Variants in RP1 observed in about 807,000 individuals in gnomAD.
RP1 encodes the protein RP1 axonemal microtubule associated.
Under a neutral mutation model 14.8 loss-of-function variants are expected in RP1, and 16 were observed. The ratio of observed to expected loss-of-function variants is 1.08; its 90% CI spans 0.73 to 1.65. The LOEUF (loss-of-function observed/expected upper bound fraction) is 1.65, where lower values mean the gene tolerates loss of function less well. RP1 is among the 40% of genes most tolerant of loss of function. The probability of loss-of-function intolerance (pLI) is 0.00; values close to 1 mark genes in which losing one functional copy is unlikely to be tolerated. For synonymous variants in RP1, 876 were observed against 883.6 expected (o/e 0.99, Z 0.15); for missense variants, 2,631 against 2,535.0 (o/e 1.04, Z -0.81).
At chr8:54,584,959 G>T (rs1288045632) in intron 1 of RP1, among the ~76,000 whole-genome samples, 2 of 152,118 alleles carry the variant, frequency 1.3e-5, no homozygotes, top group Non-Finnish European at 2.9e-5. Context: ...TATCCAATTT[G>T]CCAGTCTGTG....
intron 16 of RP1, among the ~76,000 whole-genome samples, chr8:54,725,927 G>A (rs2129352558): frequency 6.6e-6 from 1 of 152,266 alleles, no homozygotes; most frequent in East Asian, 1.9e-4. Context: ...TTATAGATAT[G>A]TGTATATTTT....
chr8:54,560,596 CTGCG>C (rs1804264274), intron 1 of RP1: 1 of 152,010 alleles, frequency 6.6e-6, no homozygotes, highest in Admixed American at 6.6e-5. Flanking sequence ...CCTAAGGTTT[CTGCG>C]AGGGAGGCAA....
chr8:54,605,868 C>A (rs1805426674), intron 1 of RP1, among the ~76,000 whole-genome samples: 1 of 151,868 alleles, frequency 6.6e-6, no homozygotes, highest in South Asian at 2.1e-4. Context: ...CAACCCCTGC[C>A]TTTTTTGGTT....
At chr8:54,714,985 T>G (rs1249759743) in intron 15 of RP1, among the ~76,000 whole-genome samples, 1 of 152,246 alleles carries the variant, frequency 6.6e-6, no homozygotes, top group African/African-American at 2.4e-5. Flanking sequence ...AATACTCCAG[T>G]GTGTAGAATG....
In RP1 at chr8:54,828,273, A is replaced by G. The variant is rs369072478; in HGVS notation, c.3616-9177A>G. Among the ~76,000 whole-genome samples, 9 of 152,324 alleles carry G rather than the reference A, an allele frequency of 5.9e-5. No individual in the cohort carries two copies. In the East Asian group the frequency reaches 1.5e-3, roughly 26 times the overall value. On this transcript the variant is annotated intron_variant, in intron 24 of 28. Coordinates refer to the RP1 transcript ENST00000637698. ...GTTTGGAAATGATTTGTTTGGCCCC[A>G]CCAAGCCTCCTGTTGAAATCTGACC... is the stretch of plus-strand genomic sequence containing the variant.
chr8:54,711,290 G>T (rs1808289287), intron 15 of RP1, among the ~76,000 whole-genome samples: 1 of 152,138 alleles, frequency 6.6e-6, no homozygotes, highest in Non-Finnish European at 1.5e-5. Context: ...AGGCTCAGAG[G>T]CTCAAACATT....
intron 24 of RP1, among the ~76,000 whole-genome samples, chr8:54,806,557 A>G (rs1166112856): frequency 2.0e-5 from 3 of 152,114 alleles, no homozygotes; most frequent in African/African-American, 7.2e-5. Context: ...TTCAACTCCC[A>G]CATTTGTTTC....
At chr8:54,844,482 G>T (rs1190335665) in intron 25 of RP1, among the ~76,000 whole-genome samples, 1 of 151,960 alleles carries the variant, frequency 6.6e-6, no homozygotes, top group Non-Finnish European at 1.5e-5. Flanking sequence ...TCCTCTGTGT[G>T]TGCGTGTGTA....
chr8:54,656,269 T>C, intron 6 of RP1: 4 of 1,505,118 alleles, frequency 2.7e-6, no homozygotes, highest in South Asian at 1.3e-5. Context: ...GCCTAAATGC[T>C]GAAGGACAGG....
At chr8:54,768,084 A>C (rs1320153552) in intron 22 of RP1, among the ~76,000 whole-genome samples, 2 of 152,144 alleles carry the variant, frequency 1.3e-5, no homozygotes, top group African/African-American at 4.8e-5. Context: ...TGAGTAACCC[A>C]CACACAACCC....
chr8:54,760,336 G>A (rs1049284576), intron 22 of RP1, among the ~76,000 whole-genome samples: 22 of 151,926 alleles, frequency 1.4e-4, no homozygotes, highest in Admixed American at 4.6e-4. Flanking sequence ...TCTTTCTTTC[G>A]CAGCCTACCT....
intron 28 of RP1, among the ~76,000 whole-genome samples, chr8:54,867,532 G>T (rs1408375033): frequency 8.5e-5 from 13 of 152,282 alleles, no homozygotes; most frequent in Admixed American, 7.8e-4. Context: ...TAAAATGGCA[G>T]TAATGACACC....
In RP1 at chr8:54,621,351, A is replaced by T; in HGVS notation, c.385A>T (p.Ser129Cys). 6.2e-7 allele frequency: 1 copy of T among 1,611,670 alleles called. No individual in the cohort carries two copies. Among genetic ancestry groups the T allele is most frequent in the Middle Eastern group, 1.7e-4 (1 of 6,054 alleles). Reference protein sequence around the residue: ...KARRRPRPWLSSRAISAHSPP... With the variant: ...KARRRPRPWLCSRAISAHSPP... ...CCGTCGGCGCCCGCGGCCCTGGCTC[A>T]GCAGCCGGGCCATTAGCGCGCACTC... Residue 129 changes from serine (S) to cysteine (C), a missense_variant, in exon 2 of 4, where the codon AGC (serine) becomes TGC (cysteine). By Grantham distance (112) the Ser-to-Cys change is moderately radical (BLOSUM62 -1). Coordinates refer to ENST00000220676, the MANE Select transcript of RP1 (RefSeq NM_006269.2).
At chr8:54,738,916 T>A (rs1204141461) in intron 18 of RP1, 3 of 1,375,090 alleles carry the variant, frequency 2.2e-6, no homozygotes, top group Non-Finnish European at 2.9e-6. Flanking sequence ...ATTCTGATAA[T>A]TTTTTTCTCC....
At chr8:54,811,633 G>T (rs549596431) in intron 24 of RP1, among the ~76,000 whole-genome samples, 1 of 152,256 alleles carries the variant, frequency 6.6e-6, no homozygotes, top group South Asian at 2.1e-4. Context: ...TGTGAAATGG[G>T]TAAAGTTAAG....
chr8:54,575,687 T>C (rs1804625803), intron 1 of RP1, among the ~76,000 whole-genome samples: 1 of 152,216 alleles, frequency 6.6e-6, no homozygotes, highest in Non-Finnish European at 1.5e-5. Flanking sequence ...GTTTGTTATA[T>C]AGGTAAACTT....
At chr8:54,853,671 G>T (rs555726846) in intron 26 of RP1, among the ~76,000 whole-genome samples, 1 of 151,296 alleles carries the variant, frequency 6.6e-6, no homozygotes, top group Non-Finnish European at 1.5e-5. Context: ...ACTTACATGG[G>T]AAGCTGAGGT....
intron 24 of RP1, among the ~76,000 whole-genome samples, chr8:54,834,076 G>A (rs1811602102): frequency 6.6e-6 from 1 of 152,010 alleles, no homozygotes; most frequent in Non-Finnish European, 1.5e-5. Context: ...GGAGTTAAGG[G>A]TCTAGTGGGG....
intron 24 of RP1, among the ~76,000 whole-genome samples, chr8:54,835,450 C>T (rs1055182471): frequency 5.3e-5 from 8 of 152,274 alleles, no homozygotes; most frequent in African/African-American, 1.9e-4. Flanking sequence ...CAGAATTAGA[C>T]ACAGGGTTTA....
Sources: gnomAD v4.1 joint callset for allele counts (sites outside exome capture counted in the v4.1 genomes callset) on GRCh38, gnomAD v4.1.1 for gene constraint, MANE v1.5 for transcripts, NCBI Gene and HGNC (gene_info 2026-07-23, HGNC 2026-07-21) for gene names.